KCNH5: variants seen among roughly 807,000 people sequenced by gnomAD.
KCNH5 encodes the protein voltage-gated delayed rectifier potassium channel KCNH5.
In KCNH5, 46 loss-of-function variants were observed where a neutral mutation model predicts 96.1. That is an observed-to-expected ratio of 0.48 (90% confidence interval 0.38 to 0.61). The LOEUF (loss-of-function observed/expected upper bound fraction) is 0.61, where lower values mean the gene tolerates loss of function less well. KCNH5 is among the 20% of genes least tolerant of loss of function. The probability of loss-of-function intolerance (pLI) is 0.00; values close to 1 mark genes in which losing one functional copy is unlikely to be tolerated. For missense variants in KCNH5, 907 were observed against 1,225.8 expected, an observed-to-expected ratio of 0.74 and a Z score of 3.88; for synonymous variants, 439 against 449.8, an observed-to-expected ratio of 0.98 and a Z score of 0.30.
chr14:62,708,312 A>G lies in KCNH5; in HGVS notation c.2163T>C (p.Asn721=), dbSNP rs199546570. Residue 721 remains asparagine (N), a synonymous_variant, in exon 11 of 11, where the codon AAT becomes AAC. Coordinates refer to ENST00000322893, the MANE Select transcript of KCNH5 (RefSeq NM_139318.5). ...CAGGGTCACCCTGTGTTGAGCCCTGATTCCGCAGCTCCTTCTGCTGCTTGA... is the reference window on the plus strand; with the variant it reads ...CAGGGTCACCCTGTGTTGAGCCCTGGTTCCGCAGCTCCTTCTGCTGCTTGA... ...QKFKQQKELR[N]QGSTQGDPER... 3 of 1,614,148 alleles carry G rather than the reference A, an allele frequency of 1.9e-6. No homozygotes were observed. The highest frequency in any genetic ancestry group is 2.2e-5 in the East Asian group (1 of 44,854).
chr14:62,785,491 G>C (rs900206807), intron 9 of KCNH5, among the ~76,000 whole-genome samples: 3 of 152,110 alleles, frequency 2.0e-5, no homozygotes, highest in Non-Finnish European at 4.4e-5. Flanking sequence ...GCTCCCGCTG[G>C]GTACAAGTAG....
chr14:62,806,209 C>T (rs1886763928), intron 8 of KCNH5, among the ~76,000 whole-genome samples: 2 of 152,070 alleles, frequency 1.3e-5, no homozygotes, highest in African/African-American at 2.4e-5. Flanking sequence ...AATAACCCAC[C>T]CCCTGTTTAG....
chr14:62,760,981 ATTTAT>A (rs1294123034), intron 10 of KCNH5, among the ~76,000 whole-genome samples: 1 of 152,204 alleles, frequency 6.6e-6, no homozygotes, highest in Non-Finnish European at 1.5e-5. Flanking sequence ...TTATTACAAC[ATTTAT>A]TTTATTTTTT....
intron 8 of KCNH5, among the ~76,000 whole-genome samples, chr14:62,845,359 C>T (rs1307074519): frequency 6.6e-6 from 1 of 152,104 alleles, no homozygotes. Context: ...TTTTCCTACA[C>T]TTGTATTTTA....
chr14:62,921,647 GACAACC>G (rs1889383090), intron 7 of KCNH5, among the ~76,000 whole-genome samples: 1 of 152,076 alleles, frequency 6.6e-6, no homozygotes, highest in African/African-American at 2.4e-5. Context: ...AGGAAGAACA[GACAACC>G]ATCCTGCAGA....
At chr14:62,872,959 G>T (rs1026369998) in intron 7 of KCNH5, among the ~76,000 whole-genome samples, 4 of 152,068 alleles carry the variant, frequency 2.6e-5, no homozygotes, top group African/African-American at 9.7e-5. Flanking sequence ...GACCATCCTA[G>T]CTAACACAGT....
chr14:62,793,846 T>C (rs904460405), intron 9 of KCNH5, among the ~76,000 whole-genome samples: 6 of 151,760 alleles, frequency 4.0e-5, no homozygotes, highest in Non-Finnish European at 7.4e-5. Flanking sequence ...ATGAAGTAAG[T>C]GTATACAGAT....
At chr14:62,728,620 T>C (rs565313108) in intron 10 of KCNH5, among the ~76,000 whole-genome samples, 3 of 152,212 alleles carry the variant, frequency 2.0e-5, no homozygotes, top group Non-Finnish European at 2.9e-5. Context: ...TCTGCTGTCA[T>C]GCTGATTGAC....
At chr14:63,045,043 G>T in intron 1 of KCNH5, 71 bp downstream of exon 1, 6 of 1,181,906 alleles carry the variant, frequency 5.1e-6, no homozygotes, top group South Asian at 1.2e-5. Context: ...GAGAGGGATG[G>T]GATGGGGAGG....
intron 7 of KCNH5, among the ~76,000 whole-genome samples, chr14:62,868,211 C>T (rs546083631): frequency 6.6e-6 from 1 of 152,334 alleles, no homozygotes; most frequent in Admixed American, 6.5e-5. Context: ...AGGATTTACT[C>T]AAGCCTTCCA....
intron 10 of KCNH5, among the ~76,000 whole-genome samples, chr14:62,721,595 C>A (rs1884818467): frequency 6.6e-6 from 1 of 151,914 alleles, no homozygotes; most frequent in Admixed American, 6.6e-5. Flanking sequence ...CTAATCTCAT[C>A]TTTGCCCCCA....
At chr14:62,892,519 T>TG (rs1411384053) in intron 7 of KCNH5, among the ~76,000 whole-genome samples, 1 of 152,238 alleles carries the variant, frequency 6.6e-6, no homozygotes, top group Non-Finnish European at 1.5e-5. Flanking sequence ...CTGGCCAAGA[T>TG]GCCTGGTAAA....
intron 7 of KCNH5, among the ~76,000 whole-genome samples, chr14:62,916,624 A>G (rs962582498): frequency 3.3e-5 from 5 of 152,192 alleles, no homozygotes; most frequent in South Asian, 2.1e-4. Flanking sequence ...ACTGCCATAC[A>G]AACAGTGGAT....
chr14:62,794,752 G>C (rs993742918), intron 9 of KCNH5, among the ~76,000 whole-genome samples: 1 of 151,654 alleles, frequency 6.6e-6, no homozygotes, highest in Non-Finnish European at 1.5e-5. Context: ...AAGTGGGTGG[G>C]GGCTCATTTG....
chr14:62,844,482 T>C (rs1033129976), intron 8 of KCNH5, among the ~76,000 whole-genome samples: 8 of 152,202 alleles, frequency 5.3e-5, no homozygotes, highest in African/African-American at 1.9e-4. Flanking sequence ...TCAACCATCA[T>C]CCTTTCTATT....
chr14:62,841,202 TAAC>T (rs1220703725), intron 8 of KCNH5, among the ~76,000 whole-genome samples: 3 of 152,070 alleles, frequency 2.0e-5, no homozygotes, highest in African/African-American at 7.2e-5. Flanking sequence ...CAAATAATAA[TAAC>T]AACAGAAATC....
chr14:62,936,778 C>T (rs756070018), intron 7 of KCNH5, among the ~76,000 whole-genome samples: 7 of 151,550 alleles, frequency 4.6e-5, no homozygotes, highest in Non-Finnish European at 1.0e-4. Flanking sequence ...GAGTTCAAGA[C>T]CTGCCTGACC....
chr14:62,763,533 A>C (rs10162511), intron 10 of KCNH5, among the ~76,000 whole-genome samples: 46,103 of 151,978 alleles, frequency 0.3, 7,859 homozygotes, highest in South Asian at 0.55. Context: ...GAAATAACCA[A>C]AATCAGAGCT....
At chr14:63,003,638 G>C (rs1264667529) in intron 3 of KCNH5, among the ~76,000 whole-genome samples, 1 of 51,882 alleles carries the variant, frequency 1.9e-5, no homozygotes, top group Non-Finnish European at 3.6e-5. Context: ...TTTTTTTTTT[G>C]AGACGGAGTC....
Sources: gnomAD v4.1 joint callset for allele counts (sites outside exome capture counted in the v4.1 genomes callset) on GRCh38, gnomAD v4.1.1 for gene constraint, MANE v1.5 for transcripts, NCBI Gene and HGNC (gene_info 2026-07-23, HGNC 2026-07-21) for gene names.